Variants in CALCR observed in about 807,000 individuals in gnomAD.
The protein encoded by CALCR is calcitonin receptor.
In CALCR, 47 loss-of-function variants were observed where a neutral mutation model predicts 59.5. That is an observed-to-expected ratio of 0.79 (90% CI 0.63 to 1.01). The LOEUF (loss-of-function observed/expected upper bound fraction) is 1.01. Ranked by LOEUF, CALCR falls within the 50% of genes least tolerant of loss-of-function variation. The pLI is 0.00. For missense variants in CALCR, 566 were observed against 597.1 expected (o/e 0.95, Z 0.54); for synonymous variants, 213 against 211.3 (o/e 1.01, Z -0.07).
chr7:93,558,813 C>T (rs564501310), intron 2 of CALCR, among the ~76,000 whole-genome samples: 11 of 151,968 alleles, frequency 7.2e-5, no homozygotes, highest in Non-Finnish European at 1.3e-4. Context: ...AATGAGATCC[C>T]GGGGAAGGAA....
In CALCR at chr7:93,557,288, A is replaced by G. The variant is rs978431223; in HGVS notation, c.-27+17001T>C. Among the ~76,000 whole-genome samples the G allele has an allele frequency of 1.2e-3, 179 of 151,928 alleles. 1 individual carries two copies. Among genetic ancestry groups the G allele is most frequent in the Non-Finnish European group, 9.9e-4 (67 of 67,854 alleles). ...TTCTTTAAAAAATTTAAAAATTGAC[A>G]AATTAATATTATATATATATTTATG... On this transcript the variant is annotated intron_variant, in intron 2 of 13. Transcript: ENST00000426151.
chr7:93,557,740 A>G (rs1261647231), intron 2 of CALCR, among the ~76,000 whole-genome samples: 1 of 151,950 alleles, frequency 6.6e-6, no homozygotes, highest in Non-Finnish European at 1.5e-5. Flanking sequence ...TCTGAGTATG[A>G]TAGAAGGTAG....
In CALCR at chr7:93,425,155, GA is replaced by G. The variant is rs1799497372; in HGVS notation, c.*1200del. 6.5e-6 allele frequency: 1 copy of G among 152,704 alleles called. No individual in the cohort carries two copies. The highest frequency in any genetic ancestry group is 1.5e-5 in the Non-Finnish European group (1 of 68,006). The allele number at this position is 152,704 out of a possible 1,614,324, so 9.5% of individuals were successfully genotyped here. A position where few individuals can be genotyped will look rare whatever the true frequency, so the allele number is the denominator to read the frequency against. ...AATCTTATACTGGGAAGTAAAGAGA[GA>G]TATGATAATATAATACTGGATTTTA... On this transcript the variant is annotated 3_prime_UTR_variant, in exon 14 of 14. Transcript: ENST00000426151.
intron 2 of CALCR, chr7:93,495,903 C>T (rs1403132435): frequency 8.5e-6 from 13 of 1,530,908 alleles, no homozygotes; most frequent in Non-Finnish European, 1.1e-5. Context: ...TGGGCACTTG[C>T]CACTAATCTT....
intron 13 of CALCR, among the ~76,000 whole-genome samples, chr7:93,430,291 A>C (rs896951296): frequency 6.6e-6 from 1 of 152,146 alleles, no homozygotes; most frequent in Non-Finnish European, 1.5e-5. Context: ...TATTAATTAG[A>C]TGCTAAGGGA....
At chr7:93,441,993 G>A (rs1799916600) in intron 9 of CALCR, among the ~76,000 whole-genome samples, 1 of 152,112 alleles carries the variant, frequency 6.6e-6, no homozygotes, top group Non-Finnish European at 1.5e-5. Context: ...GTGAGTGCCT[G>A]GAACAGAAAC....
intron 2 of CALCR, among the ~76,000 whole-genome samples, chr7:93,556,061 C>T (rs1285135706): frequency 6.6e-6 from 1 of 152,178 alleles, no homozygotes; most frequent in Non-Finnish European, 1.5e-5. Flanking sequence ...CCTAAATGAA[C>T]ATGGCCATGG....
At chr7:93,495,540 C>T (rs1455137185) in intron 2 of CALCR, among the ~76,000 whole-genome samples, 1 of 151,260 alleles carries the variant, frequency 6.6e-6, no homozygotes, top group Non-Finnish European at 1.5e-5. Flanking sequence ...TCTGCTTCTC[C>T]CTTTATTATT....
At chr7:93,457,852 T>C (rs1269727364) in intron 8 of CALCR, among the ~76,000 whole-genome samples, 1 of 151,924 alleles carries the variant, frequency 6.6e-6, no homozygotes, top group Non-Finnish European at 1.5e-5. Flanking sequence ...TCTAGGACAA[T>C]AAATAAAGAC....
chr7:93,529,772 T>G (rs1788782813), intron 2 of CALCR, among the ~76,000 whole-genome samples: 1 of 152,150 alleles, frequency 6.6e-6, no homozygotes, highest in Admixed American at 6.6e-5. Context: ...GAAAAGATGA[T>G]GAAGGTTTGG....
At chr7:93,461,484 G>A (rs976749566) in intron 7 of CALCR, among the ~76,000 whole-genome samples, 16 of 152,070 alleles carry the variant, frequency 1.1e-4, no homozygotes, top group African/African-American at 3.9e-4. Flanking sequence ...CATCTTCTTA[G>A]ATCTTATATT....
At chr7:93,449,750 G>A (rs892176845) in intron 8 of CALCR, among the ~76,000 whole-genome samples, 2 of 152,026 alleles carry the variant, frequency 1.3e-5, no homozygotes, top group East Asian at 1.9e-4. Flanking sequence ...TCTTACAAAT[G>A]TCTACAAAGA....
At chr7:93,428,200 A>G (rs1375579514) in intron 13 of CALCR, among the ~76,000 whole-genome samples, 1 of 152,222 alleles carries the variant, frequency 6.6e-6, no homozygotes, top group Non-Finnish European at 1.5e-5. Flanking sequence ...TTGAGTGTTT[A>G]CTAAGTACCG....
intron 3 of CALCR, among the ~76,000 whole-genome samples, chr7:93,481,865 T>C (rs982714844): frequency 3.3e-5 from 5 of 151,870 alleles, no homozygotes; most frequent in Non-Finnish European, 7.4e-5. Context: ...ACAATTCTTT[T>C]GATATATGAC....
At chr7:93,429,916 T>TTTTTTTTTTTG (rs1562923912) in intron 13 of CALCR, among the ~76,000 whole-genome samples, 2 of 104,450 alleles carry the variant, frequency 1.9e-5, no homozygotes, top group Non-Finnish European at 4.0e-5. Flanking sequence ...TTTAGACGGT[T>TTTTTTTTTTTG]TTTTTTTTTG....
intron 7 of CALCR, among the ~76,000 whole-genome samples, chr7:93,461,577 G>C (rs534771162): frequency 6.6e-6 from 1 of 152,162 alleles, no homozygotes; most frequent in Non-Finnish European, 1.5e-5. Context: ...TTCTTAATAG[G>C]CTCAAATGAA....
rs776072556 is a variant in CALCR, at chr7:93,426,451, G to A, written c.1330C>T (p.His444Tyr). ...GCTGGTTCATTCCTCAGCTCCTGAT[G>A]GCAGATGTAAATTGGGATGTCGCCA... ...EAGDIPIYIC[H>Y]QELRNEPANN... The change falls in exon 14 of 14, where the codon CAT (histidine) becomes TAT (tyrosine). Residue 444 changes from histidine (H) to tyrosine (Y), a missense_variant. Coordinates refer to ENST00000426151, the MANE Select transcript of CALCR (RefSeq NM_001742.4). The A allele has an allele frequency of 4.3e-6, 7 of 1,613,846 alleles. No homozygotes were observed. Among genetic ancestry groups the A allele is most frequent in the African/African-American group, 1.3e-5 (1 of 75,028 alleles).
chr7:93,571,424 A>G (rs922015460), intron 2 of CALCR, among the ~76,000 whole-genome samples: 5 of 152,160 alleles, frequency 3.3e-5, no homozygotes, highest in African/African-American at 1.2e-4. Context: ...CATAGAACTT[A>G]CCATGTACCA....
intron 8 of CALCR, among the ~76,000 whole-genome samples, chr7:93,446,899 CAAGA>C (rs1800016321): frequency 6.6e-6 from 1 of 151,928 alleles, no homozygotes; most frequent in Non-Finnish European, 1.5e-5. Context: ...CCAAGTAAAA[CAAGA>C]AATACTTGAA....
Sources: gnomAD v4.1 joint callset for allele counts (sites outside exome capture counted in the v4.1 genomes callset) on GRCh38, gnomAD v4.1.1 for gene constraint, MANE v1.5 for transcripts, NCBI Gene and HGNC (gene_info 2026-07-23, HGNC 2026-07-21) for gene names.